Variants in KSR2 observed in about 807,000 individuals in gnomAD.
KSR2 encodes kinase suppressor of ras 2.
A neutral mutation model predicts 107.8 loss-of-function variants in KSR2; 25 were observed. The ratio of observed to expected loss-of-function variants is 0.23; its 90% confidence interval spans 0.17 to 0.32. The LOEUF is 0.32. KSR2 is among the 10% of genes least tolerant of loss of function. The pLI is 1.00. For synonymous variants in KSR2, 480 were observed against 507.0 expected (o/e 0.95, Z 0.71); for missense variants, 887 against 1,268.9 (o/e 0.70, Z 4.57).
intron 4 of KSR2, among the ~76,000 whole-genome samples, chr12:117,705,502 G>T (rs1886488533): frequency 6.6e-6 from 1 of 152,194 alleles, no homozygotes; most frequent in Non-Finnish European, 1.5e-5. Context: ...GGGACACCTA[G>T]CAGAGGTCTC....
chr12:117,516,113 C>T (rs1029456770), intron 14 of KSR2, among the ~76,000 whole-genome samples: 3 of 152,206 alleles, frequency 2.0e-5, no homozygotes, highest in African/African-American at 2.4e-5. Flanking sequence ...GCAGGTGTTC[C>T]GGGCTTCAGG....
chr12:117,925,074 T>C lies in KSR2; in HGVS notation c.180+43002A>G, dbSNP rs116193989. ...AACAAGATTGGCAAGACGTTGATTA[T>C]TGTTGAATCTGGGTGGTAAGTACAA... On this transcript the variant is annotated intron_variant, in intron 1 of 19. Transcript: ENST00000339824. 7.9e-3 allele frequency among the ~76,000 whole-genome samples: 1,202 copies of C among 152,126 alleles called. 13 individuals carry two copies. Among genetic ancestry groups the C allele is most frequent in the African/African-American group, 0.027 (1,121 of 41,510 alleles).
chr12:117,568,429 T>A (rs181424334), intron 7 of KSR2, among the ~76,000 whole-genome samples: 29 of 152,296 alleles, frequency 1.9e-4, no homozygotes, highest in African/African-American at 6.0e-4. Context: ...CAGAGTGACA[T>A]GTAGCATTTA....
At chr12:117,467,917 GT>G in intron 19 of KSR2, 3 of 199,500 alleles carry the variant, frequency 1.5e-5, no homozygotes, top group South Asian at 2.8e-5. Flanking sequence ...CCACAGTCCT[GT>G]GTTTTTTTTT....
chr12:117,807,128 T>C (rs1381216552), intron 3 of KSR2, among the ~76,000 whole-genome samples: 3 of 152,090 alleles, frequency 2.0e-5, no homozygotes, highest in African/African-American at 7.2e-5. Flanking sequence ...TGATCAAACC[T>C]AACAGGAGTG....
chr12:117,510,276 T>C (rs1873944952), intron 14 of KSR2, among the ~76,000 whole-genome samples: 1 of 152,222 alleles, frequency 6.6e-6, no homozygotes, highest in Non-Finnish European at 1.5e-5. Flanking sequence ...CTATTATTAT[T>C]ACTACGTGAT....
rs111455259 is a variant in KSR2 at position 117,896,680 on chromosome 12, G to A, written c.181-36249C>T. On this transcript the variant is annotated intron_variant, in intron 1 of 19. Coordinates refer to ENST00000339824, the MANE Select transcript of KSR2 (RefSeq NM_173598.6). Reference sequence around the variant, plus strand: ...TCACCACATTGGCCAGGCTGCGCTCGAACTCCTGACCTCAGGTGATCCCTC... The same window carrying A: ...TCACCACATTGGCCAGGCTGCGCTCAAACTCCTGACCTCAGGTGATCCCTC... Among the ~76,000 whole-genome samples the A allele has an allele frequency of 1.6e-3, 245 of 152,084 alleles. 2 individuals are homozygous for A. Among genetic ancestry groups the A allele is most frequent in the Middle Eastern group, 6.8e-3 (2 of 294 alleles).
chr12:117,930,933 T>C (rs941340118), intron 1 of KSR2, among the ~76,000 whole-genome samples: 2 of 151,828 alleles, frequency 1.3e-5, no homozygotes, highest in African/African-American at 2.4e-5. Context: ...AACAAACAAA[T>C]AAATAAATAA....
At chr12:117,661,202 A>AG (rs1445427285) in intron 5 of KSR2, among the ~76,000 whole-genome samples, 1 of 152,158 alleles carries the variant, frequency 6.6e-6, no homozygotes, top group Non-Finnish European at 1.5e-5. Flanking sequence ...AAAAAGGCTG[A>AG]GAAACTGTTC....
chr12:117,789,079 T>C (rs1593237425), intron 3 of KSR2, among the ~76,000 whole-genome samples: 2 of 152,378 alleles, frequency 1.3e-5, no homozygotes, highest in African/African-American at 4.8e-5. Context: ...TCCAGTGATC[T>C]CACTTTGCAA....
At chr12:117,851,346 T>C (rs1189940464) in intron 3 of KSR2, among the ~76,000 whole-genome samples, 1 of 152,106 alleles carries the variant, frequency 6.6e-6, no homozygotes, top group Non-Finnish European at 1.5e-5. Context: ...CCCAGCACTT[T>C]AGGAGGCCGA....
intron 3 of KSR2, among the ~76,000 whole-genome samples, chr12:117,841,913 G>A (rs1390989295): frequency 6.6e-6 from 1 of 152,258 alleles, no homozygotes; most frequent in Admixed American, 6.5e-5. Flanking sequence ...GGCCCAGTAA[G>A]AACTCAATCA....
At chr12:117,627,036 T>C (rs548465599) in intron 5 of KSR2, among the ~76,000 whole-genome samples, 1 of 152,028 alleles carries the variant, frequency 6.6e-6, no homozygotes, top group South Asian at 2.1e-4. Flanking sequence ...TTTTTTTTTT[T>C]GCTTTCCATT....
chr12:117,852,072 G>T (rs756093337), intron 3 of KSR2, among the ~76,000 whole-genome samples: 6 of 145,584 alleles, frequency 4.1e-5, no homozygotes, highest in African/African-American at 8.4e-5. Flanking sequence ...TATGTGTGTG[G>T]GGGGGGTCAC....
chr12:117,801,290 T>A (rs1230509049), intron 3 of KSR2, among the ~76,000 whole-genome samples: 2 of 151,460 alleles, frequency 1.3e-5, no homozygotes, highest in Non-Finnish European at 2.9e-5. Context: ...CTAATTTTTT[T>A]TTTTTTTTTT....
At chr12:117,592,987 C>G (rs1269652174) in intron 5 of KSR2, among the ~76,000 whole-genome samples, 1 of 152,124 alleles carries the variant, frequency 6.6e-6, no homozygotes, top group African/African-American at 2.4e-5. Context: ...CCCAAACCTT[C>G]CCTTCAAATT....
chr12:117,734,059 T>C (rs1887836700), intron 4 of KSR2, among the ~76,000 whole-genome samples: 1 of 152,148 alleles, frequency 6.6e-6, no homozygotes, highest in African/African-American at 2.4e-5. Context: ...GGCAGGCAGA[T>C]CACTTGAGGT....
intron 5 of KSR2, among the ~76,000 whole-genome samples, chr12:117,590,068 G>T (rs1880232112): frequency 6.6e-6 from 1 of 152,230 alleles, no homozygotes; most frequent in South Asian, 2.1e-4. Flanking sequence ...TGATGGAAGA[G>T]ATCATATACA....
chr12:117,473,626 A>T (rs1008426812), intron 17 of KSR2, among the ~76,000 whole-genome samples: 3 of 152,198 alleles, frequency 2.0e-5, no homozygotes, highest in African/African-American at 7.2e-5. Context: ...CTCATGTGAA[A>T]CGGGGAAGGG....
Sources: allele counts gnomAD v4.1 joint callset (sites outside exome capture counted in the v4.1 genomes callset), GRCh38; gene constraint gnomAD v4.1.1; transcripts MANE v1.5; gene names NCBI Gene and HGNC (gene_info 2026-07-23, HGNC 2026-07-21).